IL1RN: variants seen among roughly 807,000 people sequenced by gnomAD.
The protein encoded by IL1RN is interleukin 1 receptor antagonist, also known as interleukin-1 receptor antagonist protein.
Under a neutral mutation model 13.7 loss-of-function variants are expected in IL1RN, and 10 were observed. The observed-to-expected ratio is 0.73, with a 90% CI of 0.45 to 1.24. The LOEUF (loss-of-function observed/expected upper bound fraction) is 1.24. Ranked by LOEUF, IL1RN falls within the 50% of genes most tolerant of loss-of-function variation. The probability of loss-of-function intolerance (pLI) is 0.00; values close to 1 mark genes in which losing one functional copy is unlikely to be tolerated. For synonymous variants in IL1RN, 102 were observed against 82.7 expected (o/e 1.23, Z -1.27); for missense variants, 213 against 222.1 (o/e 0.96, Z 0.26).
upstream of IL1RN, among the ~76,000 whole-genome samples, chr2:113,117,381 C>T (rs534414085): frequency 6.6e-6 from 1 of 152,360 alleles, no homozygotes; most frequent in East Asian, 1.9e-4. Flanking sequence ...TTATGTCACC[C>T]TCTCAGAGAG....
chr2:113,100,212 G>C, the IL1RN span, among the ~76,000 whole-genome samples: 1 of 151,324 alleles, frequency 6.6e-6, no homozygotes, highest in Admixed American at 6.6e-5. Flanking sequence ...TGTAGTGCCA[G>C]CTACTTGGGA....
upstream of IL1RN, among the ~76,000 whole-genome samples, chr2:113,116,469 C>T (rs1686595333): frequency 6.6e-6 from 1 of 151,608 alleles, no homozygotes; most frequent in Admixed American, 6.6e-5. Context: ...ATGGGAAGTC[C>T]CTGCGGTCGG....
At chr2:113,109,293 T>A (rs879535784), upstream of IL1RN, among the ~76,000 whole-genome samples, 1 of 151,560 alleles carries the variant, frequency 6.6e-6, no homozygotes, top group Non-Finnish European at 1.5e-5. Context: ...ATGCCTGTAA[T>A]CCCAGCTACT....
intron 2 of IL1RN, chr2:113,121,434 C>T (rs1033391330): frequency 1.0e-6 from 1 of 984,916 alleles, no homozygotes; most frequent in Non-Finnish European, 1.2e-6. Context: ...TTCTCCATTT[C>T]CTCCTGTCTG....
intron 2 of IL1RN, chr2:113,130,159 G>A (rs1327390186): frequency 1.1e-5 from 2 of 177,712 alleles, no homozygotes; most frequent in Non-Finnish European, 2.4e-5. Context: ...TTTCCCTTCA[G>A]TGGGATGATA....
At chr2:113,125,392 T>G (rs1172596052), upstream of IL1RN, among the ~76,000 whole-genome samples, 2 of 152,184 alleles carry the variant, frequency 1.3e-5, no homozygotes, top group African/African-American at 4.8e-5. Flanking sequence ...AGACACTGTT[T>G]CTTGAACGTG....
upstream of IL1RN, among the ~76,000 whole-genome samples, chr2:113,117,245 C>T (rs1003571246): frequency 5.3e-5 from 8 of 152,196 alleles, no homozygotes; most frequent in African/African-American, 7.2e-5. Flanking sequence ...TAACTGGAAG[C>T]GGGATGGACC....
chr2:113,113,308 A>C (rs1460682696), upstream of IL1RN, among the ~76,000 whole-genome samples: 1 of 152,226 alleles, frequency 6.6e-6, no homozygotes, highest in Non-Finnish European at 1.5e-5. Flanking sequence ...GCTGAGTGAA[A>C]TAAGACAGAC....
In IL1RN at chr2:113,130,993, T is replaced by C. The variant is rs921188609; in HGVS notation, c.206-52T>C. 4.3e-6 allele frequency: 5 copies of C among 1,166,630 alleles called. No homozygotes were observed. In the African/African-American group the frequency reaches 6.0e-5, roughly 14 times the overall value. 72.3% of individuals were successfully genotyped at this position (1,166,630 alleles called of 1,614,324 possible). On this transcript the variant is annotated intron_variant, in intron 2 of 3. Transcript: ENST00000409930. ...AGAAAAATACCCGGGGTCTCTTCAT[T>C]ATTGCTGCTTCCTCTTCTATTAACC... is the stretch of plus-strand genomic sequence containing the variant.
upstream of IL1RN, chr2:113,117,678 G>T (rs963242350): frequency 8.3e-6 from 4 of 482,094 alleles, no homozygotes; most frequent in Non-Finnish European, 1.5e-5. Context: ...AAGCACGAAG[G>T]CCCAGCTCAG....
In IL1RN at chr2:113,133,949, T is replaced by C. The variant is rs1687262412; in HGVS notation, c.*1078T>C. ...ACTCAGCGAATGAATGCTGTATATG[T>C]TGGGTGCAAAGTTCCCTACTTCCTG... On this transcript the variant is annotated 3_prime_UTR_variant, in exon 4 of 4. Transcript: ENST00000409930. 1 of 152,720 alleles carries C rather than the reference T, an allele frequency of 6.5e-6. No individual in the cohort carries two copies. The highest frequency in any genetic ancestry group is 6.5e-5 in the Admixed American group (1 of 15,282). The allele number at this position is 152,720 out of a possible 1,614,324, so 9.5% of individuals were successfully genotyped here. A position where few individuals can be genotyped will look rare whatever the true frequency, so the allele number is the denominator to read the frequency against.
At chr2:113,101,812 G>C in the IL1RN span, among the ~76,000 whole-genome samples, 1 of 151,992 alleles carries the variant, frequency 6.6e-6, no homozygotes, top group Non-Finnish European at 1.5e-5. Flanking sequence ...TTGTTACCCA[G>C]GCTGGAGTGC....
intron 2 of IL1RN, chr2:113,129,905 C>A: frequency 2.0e-6 from 1 of 511,470 alleles, no homozygotes. Context: ...GCACAGTGGT[C>A]CCAGGGCCAC....
chr2:113,126,731 T>G (rs1199367747), upstream of IL1RN, among the ~76,000 whole-genome samples: 1 of 141,214 alleles, frequency 7.1e-6, no homozygotes, highest in Non-Finnish European at 1.6e-5. Flanking sequence ...GAAGAAGACA[T>G]GATCACCCTC....
At chr2:113,123,109 G>T (rs1182032936), upstream of IL1RN, among the ~76,000 whole-genome samples, 1 of 152,124 alleles carries the variant, frequency 6.6e-6, no homozygotes, top group Non-Finnish European at 1.5e-5. Flanking sequence ...TGGGCAACAA[G>T]AGCGAAACTC....
chr2:113,121,084 T>TTCC (rs1262567262), intron 2 of IL1RN, among the ~76,000 whole-genome samples: 1 of 125,858 alleles, frequency 7.9e-6, no homozygotes, highest in Non-Finnish European at 1.8e-5. Context: ...CCTCTTCTTC[T>TTCC]TCTTCTTCTT....
chr2:113,129,602 T>C lies in IL1RN; in HGVS notation c.143T>C (p.Phe48Ser). 6.2e-7 allele frequency: 1 copy of C among 1,612,078 alleles called. No individual in the cohort carries two copies. Residue 48 changes from phenylalanine to serine, a missense_variant, in exon 2 of 4, where the codon TTC becomes TCC. Transcript: ENST00000409930. ...ATCTGGGATGTTAACCAGAAGACCT[T>C]CTATCTGAGGAACAACCAACTAGTT... ...FRIWDVNQKT[F>S]YLRNNQLVAG... is the part of the protein sequence containing the mutation.
upstream of IL1RN, among the ~76,000 whole-genome samples, chr2:113,126,083 C>A (rs1475106027): frequency 6.6e-6 from 1 of 152,200 alleles, no homozygotes; most frequent in African/African-American, 2.4e-5. Flanking sequence ...CAGGTGTGAG[C>A]CACCGTGCCC....
chr2:113,114,052 G>A (rs984941679), upstream of IL1RN, among the ~76,000 whole-genome samples: 1 of 152,190 alleles, frequency 6.6e-6, no homozygotes, highest in Admixed American at 6.5e-5. Context: ...ACATGCTTAA[G>A]CTGGTTTTGG....
Sources: gnomAD v4.1 joint callset for allele counts (sites outside exome capture counted in the v4.1 genomes callset) on GRCh38, gnomAD v4.1.1 for gene constraint, MANE v1.5 for transcripts, NCBI Gene and HGNC (gene_info 2026-07-23, HGNC 2026-07-21) for gene names.